Variants in SHROOM3 observed in about 807,000 individuals in gnomAD.
SHROOM3 encodes protein Shroom3.
A neutral mutation model predicts 138.6 loss-of-function variants in SHROOM3; 47 were observed. The ratio of observed to expected loss-of-function variants is 0.34; its 90% CI spans 0.27 to 0.43. SHROOM3 has a LOEUF of 0.43. Ranked by LOEUF, SHROOM3 falls within the 20% of genes least tolerant of loss-of-function variation. The pLI is 1.00. For missense variants in SHROOM3, 2,491 were observed against 2,596.5 expected (o/e 0.96, Z 0.88); for synonymous variants, 1,062 against 1,063.3 (o/e 1.00, Z 0.02).
intron 1 of SHROOM3, chr4:76,532,172 C>T (rs2110016142): frequency 6.6e-6 from 1 of 150,518 alleles, no homozygotes; most frequent in East Asian, 2.0e-4. Flanking sequence ...GTTTTTTGTC[C>T]CTGCAATAGT....
chr4:76,627,273 G>A (rs1735173711), intron 2 of SHROOM3, among the ~76,000 whole-genome samples: 1 of 152,120 alleles, frequency 6.6e-6, no homozygotes, highest in African/African-American at 2.4e-5. Context: ...TAGGGTTCAC[G>A]TAAAGCTTAC....
At chr4:76,480,349 C>G (rs1158695813) in intron 1 of SHROOM3, among the ~76,000 whole-genome samples, 1 of 152,248 alleles carries the variant, frequency 6.6e-6, no homozygotes, top group East Asian at 1.9e-4. Flanking sequence ...ATCCTAGTCT[C>G]TGATAAAACA....
chr4:76,547,441 C>T (rs3923380), intron 1 of SHROOM3, among the ~76,000 whole-genome samples: 1 of 151,954 alleles, frequency 6.6e-6, no homozygotes, highest in Non-Finnish European at 1.5e-5. Flanking sequence ...CTGGAACACA[C>T]GAAGCCCTCA....
At chr4:76,546,909 T>G (rs7672119) in intron 1 of SHROOM3, among the ~76,000 whole-genome samples, 57,657 of 151,766 alleles carry the variant, frequency 0.38, 11,325 homozygotes, top group Middle Eastern at 0.48. Context: ...AAAAGTTGGC[T>G]AAATTCTGCT....
At chr4:76,521,579 C>A (rs914070491) in intron 1 of SHROOM3, among the ~76,000 whole-genome samples, 1 of 152,184 alleles carries the variant, frequency 6.6e-6, no homozygotes, top group African/African-American at 2.4e-5. Context: ...TCTACTTGCA[C>A]AATAGTTTCA....
chr4:76,444,515 A>G (rs1730765574), intron 1 of SHROOM3, among the ~76,000 whole-genome samples: 1 of 92,664 alleles, frequency 1.1e-5, no homozygotes, highest in South Asian at 3.8e-4. Flanking sequence ...TTTTTTTGAG[A>G]CGGAGTCTTG....
At chr4:76,686,280 A>G (rs1293243758) in intron 2 of SHROOM3, among the ~76,000 whole-genome samples, 5 of 152,166 alleles carry the variant, frequency 3.3e-5, no homozygotes, top group Non-Finnish European at 5.9e-5. Flanking sequence ...TGCTGGGATT[A>G]TAGGCATGAG....
At chr4:76,579,038 G>C in intron 2 of SHROOM3, among the ~76,000 whole-genome samples, 1 of 152,130 alleles carries the variant, frequency 6.6e-6, no homozygotes, top group Non-Finnish European at 1.5e-5. Context: ...AAATTAGCTG[G>C]GTGTGGTGGT....
At chr4:76,474,442 A>G (rs1043741751) in intron 1 of SHROOM3, among the ~76,000 whole-genome samples, 6 of 152,208 alleles carry the variant, frequency 3.9e-5, no homozygotes, top group African/African-American at 1.4e-4. Flanking sequence ...TAAGTGAATT[A>G]TTATCTCAAT....
At chr4:76,720,685 T>A (rs1194089476) in intron 3 of SHROOM3, among the ~76,000 whole-genome samples, 3 of 150,730 alleles carry the variant, frequency 2.0e-5, no homozygotes, top group Non-Finnish European at 4.4e-5. Flanking sequence ...CAATCTCAGC[T>A]CATTGCAACC....
Position 76,555,849 on chromosome 4 carries a change from G to C in SHROOM3, c.323+86G>C, listed in dbSNP as rs755246598. Reference sequence around the variant, plus strand: ...TACCCCACCTCTGGGAAAAGAGCTCGGGGTTGGTAGCTTGGCTTTAAACCT... The same window carrying C: ...TACCCCACCTCTGGGAAAAGAGCTCCGGGTTGGTAGCTTGGCTTTAAACCT... On this transcript the variant is annotated intron_variant, in intron 2 of 10. Coordinates refer to ENST00000296043, the MANE Select transcript of SHROOM3 (RefSeq NM_020859.4). The C allele has an allele frequency of 6.1e-6, 9 of 1,479,634 alleles. No individual in the cohort carries two copies. The Admixed American group carries it at 1.7e-4, about 28-fold the overall frequency. The allele number at this position is 1,479,634 out of a possible 1,614,324, so 91.7% of individuals were successfully genotyped here.
rs989434687 is a variant in SHROOM3 at position 76,780,773 on chromosome 4, C to A, written c.*1596C>A. On this transcript the variant is annotated 3_prime_UTR_variant, in exon 11 of 11. Coordinates refer to ENST00000296043, the MANE Select transcript of SHROOM3 (RefSeq NM_020859.4). Reference sequence around the variant, plus strand: ...TATATACTGCATGACTCCATTGATACAAATAAGACAGCACCTTGGTTTCCC... The same window carrying A: ...TATATACTGCATGACTCCATTGATAAAAATAAGACAGCACCTTGGTTTCCC... 6.6e-6 allele frequency: 1 copy of A among 152,146 alleles called. No homozygotes were observed. Among genetic ancestry groups the A allele is most frequent in the African/African-American group, 2.4e-5 (1 of 41,428 alleles). The allele number at this position is 152,146 out of a possible 1,614,324, so 9.4% of individuals were successfully genotyped here.
intron 2 of SHROOM3, among the ~76,000 whole-genome samples, chr4:76,701,594 G>A (rs968163985): frequency 5.3e-5 from 8 of 152,192 alleles, no homozygotes; most frequent in Non-Finnish European, 1.2e-4. Flanking sequence ...ATGAATAATG[G>A]TTCGCTGTAG....
rs1343900207 is a variant in SHROOM3 at position 76,738,822 on chromosome 4, T to C, written c.649T>C (p.Cys217Arg). The C allele has an allele frequency of 1.2e-6, 2 of 1,614,194 alleles. No homozygotes were observed. The highest frequency in any genetic ancestry group is 1.7e-5 in the Admixed American group (1 of 60,028). ...HAYLRRSPDQ[C>R]SSQGSMESLE... Reference sequence around the variant, plus strand: ...TTATCTAAGGCGGAGCCCTGACCAGTGCAGCTCCCAGGGGAGCATGGAGAG... The same window carrying C: ...TTATCTAAGGCGGAGCCCTGACCAGCGCAGCTCCCAGGGGAGCATGGAGAG... Residue 217 changes from cysteine (C) to arginine (R), a missense_variant, in exon 5 of 11, where the codon TGC (cysteine) becomes CGC (arginine). Transcript: ENST00000296043.
chr4:76,565,757 A>T (rs1733708243), intron 2 of SHROOM3, among the ~76,000 whole-genome samples: 1 of 152,158 alleles, frequency 6.6e-6, no homozygotes, highest in Non-Finnish European at 1.5e-5. Flanking sequence ...TGAACCTCCA[A>T]GTCCAGCCTC....
intron 4 of SHROOM3, among the ~76,000 whole-genome samples, chr4:76,736,899 C>A (rs1045148263): frequency 1.3e-4 from 20 of 152,186 alleles, no homozygotes; most frequent in Non-Finnish European, 2.6e-4. Flanking sequence ...ACATTTGTTA[C>A]AACTGATAAA....
At chr4:76,763,280 G>A (rs1162598828) in intron 9 of SHROOM3, among the ~76,000 whole-genome samples, 2 of 152,014 alleles carry the variant, frequency 1.3e-5, no homozygotes, top group South Asian at 2.1e-4. Context: ...CCAGCTACTC[G>A]GAAGGCTGAG....
Position 76,741,875 on chromosome 4 carries a change from C to T in SHROOM3, c.3702C>T (p.Gly1234=), listed in dbSNP as rs1479226945. The change falls in exon 5 of 11, where the codon GGC becomes GGT. Residue 1234 remains glycine, a synonymous_variant. Transcript: ENST00000296043. This position sits in a 1 kb window ranked among gnomAD's most constrained non-coding sequence, Gnocchi z 6.2. ...DLLERSDVLA[G]PVHVRSRSSP... is the part of the protein sequence containing the mutation. Reference sequence around the variant, plus strand: ...TGGAACGCTCGGACGTCCTTGCGGGCCCTGTCCATGTGAGGTCCAGGTCAT... The same window carrying T: ...TGGAACGCTCGGACGTCCTTGCGGGTCCTGTCCATGTGAGGTCCAGGTCAT... 1 of 1,612,092 alleles carries T rather than the reference C, an allele frequency of 6.2e-7. No homozygotes were observed. The highest frequency in any genetic ancestry group is 8.5e-7 in the Non-Finnish European group (1 of 1,179,874).
At chr4:76,669,043 G>A (rs537805527) in intron 2 of SHROOM3, among the ~76,000 whole-genome samples, 8 of 152,288 alleles carry the variant, frequency 5.3e-5, no homozygotes, top group African/African-American at 7.2e-5. Flanking sequence ...ACATGGAGAC[G>A]GGATAGGGAA....
Sources: gnomAD v4.1 joint callset for allele counts (sites outside exome capture counted in the v4.1 genomes callset) on GRCh38, gnomAD v4.1.1 for gene constraint, Gnocchi (gnomAD v3.1) non-coding constraint, MANE v1.5 for transcripts, NCBI Gene and HGNC (gene_info 2026-07-23, HGNC 2026-07-21) for gene names.